The following NRG3 variants were observed in gnomAD, a reference collection of about 807,000 sequenced individuals.
The protein encoded by NRG3 is neuregulin 3.
Under a neutral mutation model 66.9 loss-of-function variants are expected in NRG3, and 31 were observed. That is an observed-to-expected ratio of 0.46 (90% CI 0.35 to 0.63). The LOEUF is 0.63. Ranked by LOEUF, NRG3 falls within the 20% of genes least tolerant of loss-of-function variation. The pLI is 0.00. For synonymous variants in NRG3, 393 were observed against 359.4 expected, an observed-to-expected ratio of 1.09 and a Z score of -1.06; for missense variants, 910 against 878.9, an observed-to-expected ratio of 1.04 and a Z score of -0.45.
chr10:82,626,610 A>T (rs2049439899), intron 2 of NRG3, among the ~76,000 whole-genome samples: 1 of 152,202 alleles, frequency 6.6e-6, no homozygotes, highest in Non-Finnish European at 1.5e-5. Context: ...TTTAAAAATT[A>T]TAGATTAAAA....
intron 1 of NRG3, among the ~76,000 whole-genome samples, chr10:82,078,257 G>A (rs1039496791): frequency 3.9e-5 from 6 of 152,136 alleles, no homozygotes; most frequent in Non-Finnish European, 7.4e-5. Flanking sequence ...GTTTTCCTCA[G>A]AGTAGGAAAG....
chr10:82,086,155 G>C (rs2133460842), intron 1 of NRG3, among the ~76,000 whole-genome samples: 1 of 152,200 alleles, frequency 6.6e-6, no homozygotes, highest in South Asian at 2.1e-4. Context: ...ACAGTAAGTT[G>C]GTTATACTGT....
intron 2 of NRG3, among the ~76,000 whole-genome samples, chr10:82,504,762 T>C (rs1039671918): frequency 2.6e-5 from 4 of 152,130 alleles, no homozygotes; most frequent in Non-Finnish European, 5.9e-5. Context: ...TGGGAAAACG[T>C]TTGTCTGTGA....
At chr10:82,198,685 A>T (rs1178522532) in intron 1 of NRG3, among the ~76,000 whole-genome samples, 3 of 152,090 alleles carry the variant, frequency 2.0e-5, no homozygotes, top group Non-Finnish European at 4.4e-5. Flanking sequence ...CAAGGCTATG[A>T]TTCTAACTAA....
chr10:82,797,166 G>C (rs919089243), intron 3 of NRG3, among the ~76,000 whole-genome samples: 3 of 152,006 alleles, frequency 2.0e-5, no homozygotes, highest in African/African-American at 7.2e-5. Context: ...TCCTGCTCTG[G>C]ACTCTGGAAG....
At position 82,463,434 on chromosome 10, in the gene NRG3, A is replaced by C. The variant is rs1331087597; in HGVS notation, c.953+104566A>C. The stretch of plus-strand genomic sequence containing the variant: ...GGCACCACTGATGTTGGGAAACCAT[A>C]TTCTCAGTTGGCTTTTTAAATAGCT... On this transcript the variant is annotated intron_variant, in intron 2 of 8. Coordinates refer to ENST00000372141, the MANE Select transcript of NRG3 (RefSeq NM_001010848.4). Among the ~76,000 whole-genome samples the C allele has an allele frequency of 3.9e-5, 6 of 152,200 alleles. No homozygotes were observed. In the East Asian group the frequency reaches 1.2e-3, roughly 29 times the overall value.
chr10:82,758,345 T>C (rs1055235708), intron 3 of NRG3, among the ~76,000 whole-genome samples: 1 of 152,120 alleles, frequency 6.6e-6, no homozygotes, highest in Non-Finnish European at 1.5e-5. Flanking sequence ...CTAACAGTTT[T>C]CTGTATTATA....
intron 2 of NRG3, among the ~76,000 whole-genome samples, chr10:82,575,321 TAAGAAAAAAAG>T (rs2045967989): frequency 2.0e-5 from 3 of 151,326 alleles, no homozygotes; most frequent in South Asian, 2.1e-4. Flanking sequence ...GGGGACAGCA[TAAGAAAAAAAG>T]AAGAAAAAAA....
At chr10:82,010,838 T>C (rs965556453) in intron 1 of NRG3, among the ~76,000 whole-genome samples, 3 of 152,130 alleles carry the variant, frequency 2.0e-5, no homozygotes, top group African/African-American at 7.2e-5. Flanking sequence ...GGGATGTGCC[T>C]CTTTTGGAAG....
At chr10:82,404,728 G>A (rs1301946776) in intron 2 of NRG3, among the ~76,000 whole-genome samples, 3 of 152,152 alleles carry the variant, frequency 2.0e-5, no homozygotes, top group Non-Finnish European at 4.4e-5. Context: ...GTCATAACTG[G>A]AGTCTATTAC....
intron 1 of NRG3, among the ~76,000 whole-genome samples, chr10:82,263,311 A>G (rs1385334191): frequency 6.6e-6 from 1 of 152,188 alleles, no homozygotes; most frequent in African/African-American, 2.4e-5. Context: ...AAGGTAGACA[A>G]GGCTGAGATT....
rs758748197 is a variant in NRG3, at chr10:82,633,752, T to C, written c.954-104825T>C. 1.6e-4 allele frequency among the ~76,000 whole-genome samples: 24 copies of C among 152,152 alleles called. 1 individual carries two copies. The highest frequency in any genetic ancestry group is 2.6e-4 in the Admixed American group (4 of 15,266). Reference sequence around the variant, plus strand: ...GAAAAATGGAGGCTGTAGCCAAGTTTGGGAGATGGGCTATTTGACATTAAT... The same window carrying C: ...GAAAAATGGAGGCTGTAGCCAAGTTCGGGAGATGGGCTATTTGACATTAAT... On this transcript the variant is annotated intron_variant, in intron 2 of 8. Transcript: ENST00000372141.
intron 1 of NRG3, among the ~76,000 whole-genome samples, chr10:82,145,612 T>G (rs568200216): frequency 6.6e-6 from 1 of 152,344 alleles, no homozygotes; most frequent in Admixed American, 6.5e-5. Flanking sequence ...ATGGTCAGTT[T>G]GCTTTCATCT....
chr10:82,677,160 T>G (rs2134088678), intron 2 of NRG3, among the ~76,000 whole-genome samples: 1 of 151,714 alleles, frequency 6.6e-6, no homozygotes, highest in South Asian at 2.1e-4. Context: ...CAAGCTATCC[T>G]GTCACCTCAG....
intron 2 of NRG3, among the ~76,000 whole-genome samples, chr10:82,695,692 ATATTT>A (rs1400761046): frequency 6.6e-6 from 1 of 152,120 alleles, no homozygotes; most frequent in African/African-American, 2.4e-5. Flanking sequence ...GAAAATAAAG[ATATTT>A]TATTAAATGT....
intron 2 of NRG3, among the ~76,000 whole-genome samples, chr10:82,564,592 C>G (rs1056612786): frequency 2.6e-5 from 4 of 152,200 alleles, no homozygotes; most frequent in East Asian, 1.9e-4. Flanking sequence ...CGTAACACTT[C>G]TCTTTGAACC....
chr10:82,513,361 G>T (rs954221963), intron 2 of NRG3, among the ~76,000 whole-genome samples: 2 of 152,126 alleles, frequency 1.3e-5, no homozygotes, highest in African/African-American at 4.8e-5. Context: ...TATCATTGAT[G>T]GGCATTTAGG....
intron 1 of NRG3, among the ~76,000 whole-genome samples, chr10:82,327,606 A>G (rs1007473438): frequency 3.9e-5 from 6 of 152,150 alleles, no homozygotes; most frequent in African/African-American, 1.4e-4. Context: ...AAAAAATGAT[A>G]CTGCAGCTAT....
At chr10:82,502,900 T>C (rs894371384) in intron 2 of NRG3, among the ~76,000 whole-genome samples, 3 of 152,224 alleles carry the variant, frequency 2.0e-5, no homozygotes, top group Non-Finnish European at 4.4e-5. Context: ...AATGCACATA[T>C]TTTAGATAGT....
Sources: allele counts gnomAD v4.1 joint callset (sites outside exome capture counted in the v4.1 genomes callset), GRCh38; gene constraint gnomAD v4.1.1; transcripts MANE v1.5; gene names NCBI Gene and HGNC (gene_info 2026-07-23, HGNC 2026-07-21).